ITGA9: variants seen among roughly 807,000 people sequenced by gnomAD.
The protein encoded by ITGA9 is integrin alpha-9.
ITGA9 carries 56 observed loss-of-function variants against 127.8 expected under a neutral mutation model. That is an observed-to-expected ratio of 0.44 (90% CI 0.35 to 0.55). The LOEUF (loss-of-function observed/expected upper bound fraction) is 0.55. Ranked by LOEUF, ITGA9 falls within the 20% of genes least tolerant of loss-of-function variation. The pLI, the probability that ITGA9 is intolerant of heterozygous loss-of-function variation, is 0.00. For synonymous variants in ITGA9, 508 were observed against 514.5 expected, an observed-to-expected ratio of 0.99 and a Z score of 0.17; for missense variants, 1,196 against 1,347.1, an observed-to-expected ratio of 0.89 and a Z score of 1.76.
intron 17 of ITGA9, among the ~76,000 whole-genome samples, chr3:37,657,232 G>A (rs1053900679): frequency 6.6e-6 from 1 of 151,986 alleles, no homozygotes; most frequent in Non-Finnish European, 1.5e-5. Flanking sequence ...AGTCCCTCTT[G>A]TTCTATTGAA....
intron 15 of ITGA9, among the ~76,000 whole-genome samples, chr3:37,601,524 A>G (rs901467026): frequency 6.6e-6 from 1 of 152,226 alleles, no homozygotes; most frequent in Admixed American, 6.5e-5. Flanking sequence ...ATAATTCCCT[A>G]GAAGCAGCAT....
chr3:37,590,327 G>A (rs540342134), intron 15 of ITGA9, among the ~76,000 whole-genome samples: 1 of 152,174 alleles, frequency 6.6e-6, no homozygotes. Flanking sequence ...GTGGGACAGA[G>A]GACAGGAAGA....
chr3:37,553,531 C>T (rs1432438609), intron 15 of ITGA9, among the ~76,000 whole-genome samples: 1 of 152,190 alleles, frequency 6.6e-6, no homozygotes, highest in Non-Finnish European at 1.5e-5. Context: ...ATACTTGTGT[C>T]CTATATATTT....
chr3:37,812,191 T>C (rs1697376420), intron 27 of ITGA9, among the ~76,000 whole-genome samples: 1 of 152,184 alleles, frequency 6.6e-6, no homozygotes, highest in African/African-American at 2.4e-5. Context: ...TGGGGGCTTG[T>C]TTATGCTTGG....
At chr3:37,764,012 C>T (rs1261482997) in intron 23 of ITGA9, among the ~76,000 whole-genome samples, 1 of 152,172 alleles carries the variant, frequency 6.6e-6, no homozygotes, top group Non-Finnish European at 1.5e-5. Flanking sequence ...GATGTCTCCC[C>T]AGTACACAGA....
rs372700210 is a variant in ITGA9, at chr3:37,570,610, G to A, written c.1689+28025G>A. Among the ~76,000 whole-genome samples the A allele has an allele frequency of 4.6e-5, 7 of 152,314 alleles. No homozygotes were observed. In the East Asian group the frequency reaches 1.3e-3, roughly 29 times the overall value. On this transcript the variant is annotated intron_variant, in intron 15 of 27. Transcript: ENST00000264741. Reference sequence around the variant, plus strand: ...GGATCTACTTCTGTACTTGACCTGGGTGAGGACCACTGGGAACATTTGCAC... The same window carrying A: ...GGATCTACTTCTGTACTTGACCTGGATGAGGACCACTGGGAACATTTGCAC...
intron 15 of ITGA9, among the ~76,000 whole-genome samples, chr3:37,609,366 G>T (rs977488502): frequency 6.6e-6 from 1 of 152,158 alleles, no homozygotes; most frequent in Non-Finnish European, 1.5e-5. Context: ...TCCCCATGAC[G>T]CAAGACAGTA....
At chr3:37,567,417 A>T (rs770894274) in intron 15 of ITGA9, among the ~76,000 whole-genome samples, 3 of 152,146 alleles carry the variant, frequency 2.0e-5, no homozygotes, top group Non-Finnish European at 2.9e-5. Flanking sequence ...GCCAAGCCAT[A>T]TCATTCCGCC....
chr3:37,817,954 G>A (rs1000940033), intron 27 of ITGA9, among the ~76,000 whole-genome samples: 7 of 152,090 alleles, frequency 4.6e-5, no homozygotes, highest in African/African-American at 9.7e-5. Flanking sequence ...AAATTCCATG[G>A]GTTTGAGAGA....
In ITGA9 at chr3:37,513,971, G is replaced by A; in HGVS notation, c.1035+71G>A. The A allele has an allele frequency of 5.7e-6, 9 of 1,591,040 alleles. No individual in the cohort carries two copies. In the East Asian group the frequency reaches 6.7e-5, roughly 12 times the overall value. ...CATTTGTCCAGCCAGCAGTGGCCGAGCACCCCTCTGGGCCGGCACTGGGGG... is the reference window on the plus strand; with the variant it reads ...CATTTGTCCAGCCAGCAGTGGCCGAACACCCCTCTGGGCCGGCACTGGGGG... On this transcript the variant is annotated intron_variant, in intron 9 of 27. Coordinates refer to ENST00000264741, the MANE Select transcript of ITGA9 (RefSeq NM_002207.3).
At chr3:37,500,685 C>G (rs1012029728) in intron 5 of ITGA9, among the ~76,000 whole-genome samples, 1 of 152,196 alleles carries the variant, frequency 6.6e-6, no homozygotes, top group Non-Finnish European at 1.5e-5. Context: ...ATCTCTGCGG[C>G]AGGATCTAGC....
rs141535939 is a variant in ITGA9 at position 37,504,204 on chromosome 3, A to G, written c.742+897A>G. Among the ~76,000 whole-genome samples, 795 of 152,288 alleles carry G rather than the reference A, an allele frequency of 5.2e-3. 4 individuals are homozygous for G. The highest frequency in any genetic ancestry group is 0.017 in the South Asian group (80 of 4,826). The stretch of plus-strand genomic sequence containing the variant: ...TCTACTCTGGGGTGTTTGCTCCTGT[A>G]GGCACCCAGCTGCCTAGTGCTGTTG... On this transcript the variant is annotated intron_variant, in intron 6 of 27. Transcript: ENST00000264741.
intron 18 of ITGA9, among the ~76,000 whole-genome samples, chr3:37,718,777 C>G (rs539733446): frequency 6.6e-6 from 1 of 152,316 alleles, no homozygotes; most frequent in East Asian, 1.9e-4. Context: ...GCCGACGCCA[C>G]ATGCATTAAT....
At chr3:37,630,829 TG>T (rs1315133030) in intron 16 of ITGA9, among the ~76,000 whole-genome samples, 1 of 152,052 alleles carries the variant, frequency 6.6e-6, no homozygotes, top group Non-Finnish European at 1.5e-5. Flanking sequence ...GAACAGGCCC[TG>T]GGGGAGTGAG....
At chr3:37,801,884 C>T (rs572771675) in intron 26 of ITGA9, among the ~76,000 whole-genome samples, 4 of 152,280 alleles carry the variant, frequency 2.6e-5, no homozygotes, top group African/African-American at 9.6e-5. Flanking sequence ...CATCCCCTGG[C>T]ACACGCACAC....
At chr3:37,455,850 C>T (rs197731) in intron 1 of ITGA9, among the ~76,000 whole-genome samples, 10,704 of 152,228 alleles carry the variant, frequency 0.07, 477 homozygotes, top group Admixed American at 0.12. Context: ...ACTCTGCAGG[C>T]GGCAGAGTAG....
chr3:37,660,166 C>T (rs748182836), intron 17 of ITGA9, among the ~76,000 whole-genome samples: 35 of 152,198 alleles, frequency 2.3e-4, no homozygotes, highest in African/African-American at 5.1e-4. Flanking sequence ...CACATTAGTA[C>T]GAAGGACCTC....
At chr3:37,521,023 T>C (rs1227869610) in intron 11 of ITGA9, among the ~76,000 whole-genome samples, 1 of 152,084 alleles carries the variant, frequency 6.6e-6, no homozygotes, top group African/African-American at 2.4e-5. Flanking sequence ...TGGAGCGTCT[T>C]TAGTGGGAAG....
At chr3:37,536,077 C>T (rs1158587468) in intron 14 of ITGA9, among the ~76,000 whole-genome samples, 5 of 152,178 alleles carry the variant, frequency 3.3e-5, no homozygotes, top group Non-Finnish European at 7.3e-5. Flanking sequence ...TGGCTCTGCA[C>T]AGTTTGGAAG....
Sources: gnomAD v4.1 joint callset for allele counts (sites outside exome capture counted in the v4.1 genomes callset) on GRCh38, gnomAD v4.1.1 for gene constraint, MANE v1.5 for transcripts, NCBI Gene and HGNC (gene_info 2026-07-23, HGNC 2026-07-21) for gene names.